Variants in SDCCAG8 observed in about 807,000 individuals in gnomAD.
SDCCAG8 encodes SHH signaling and ciliogenesis regulator SDCCAG8, also known as serologically defined colon cancer antigen 8.
SDCCAG8 carries 74 observed loss-of-function variants against 101.8 expected under a neutral mutation model. The ratio of observed to expected loss-of-function variants is 0.73; its 90% CI spans 0.60 to 0.88. The LOEUF (loss-of-function observed/expected upper bound fraction) is 0.88, where lower values mean the gene tolerates loss of function less well. Among genes scored for constraint, SDCCAG8 ranks in the 40% least tolerant of loss-of-function variants. SDCCAG8 has a pLI of 0.00. For synonymous variants in SDCCAG8, 281 were observed against 292.9 expected (o/e 0.96, Z 0.41); for missense variants, 787 against 822.6 (o/e 0.96, Z 0.53).
At chr1:243,275,858 T>G (rs76555344) in intron 4 of SDCCAG8, among the ~76,000 whole-genome samples, 3 of 56,468 alleles carry the variant, frequency 5.3e-5, no homozygotes, top group Non-Finnish European at 1.0e-4. Flanking sequence ...GAACCAATGT[T>G]TTTTTTTTTT....
chr1:243,429,242 T>C (rs2081548994), intron 16 of SDCCAG8, among the ~76,000 whole-genome samples: 1 of 152,236 alleles, frequency 6.6e-6, no homozygotes, highest in Non-Finnish European at 1.5e-5. Context: ...TGTAAAAGTA[T>C]TTTCTCTTAT....
At chr1:243,288,601 A>C (rs1397482665) in intron 5 of SDCCAG8, among the ~76,000 whole-genome samples, 1 of 152,008 alleles carries the variant, frequency 6.6e-6, no homozygotes, top group Non-Finnish European at 1.5e-5. Flanking sequence ...TTTTGGGGGG[A>C]AGGGGTTTTT....
chr1:243,499,258 T>G (rs1251276884), intron 17 of SDCCAG8, among the ~76,000 whole-genome samples: 1 of 152,224 alleles, frequency 6.6e-6, no homozygotes, highest in East Asian at 1.9e-4. Flanking sequence ...GTGAAAGTAC[T>G]TTTTCATAGG....
chr1:243,280,343 G>GTATA, intron 4 of SDCCAG8, among the ~76,000 whole-genome samples: 1 of 151,900 alleles, frequency 6.6e-6, no homozygotes, highest in African/African-American at 2.4e-5. Flanking sequence ...TTCTTAACCT[G>GTATA]TATATAGTCT....
At chr1:243,372,071 T>TAC (rs2077324424) in intron 12 of SDCCAG8, among the ~76,000 whole-genome samples, 1 of 152,156 alleles carries the variant, frequency 6.6e-6, no homozygotes, top group African/African-American at 2.4e-5. Context: ...GTTCATATTT[T>TAC]ACACACACCG....
intron 8 of SDCCAG8, among the ~76,000 whole-genome samples, chr1:243,310,593 A>C (rs2072627265): frequency 6.6e-6 from 1 of 152,204 alleles, no homozygotes; most frequent in South Asian, 2.1e-4. Context: ...TTATAGTCCT[A>C]AGGATGACGT....
intron 7 of SDCCAG8, chr1:243,304,979 C>T (rs1281051797): frequency 1.2e-5 from 7 of 569,342 alleles, no homozygotes; most frequent in Non-Finnish European, 1.6e-5. Flanking sequence ...CCCATTTCTT[C>T]ATCAGTTGTA....
Position 243,256,044 on chromosome 1 carries a change from C to A in SDCCAG8, c.-130C>A, listed in dbSNP as rs547776191. 6.9e-4 allele frequency: 589 copies of A among 855,582 alleles called. 1 individual carries two copies. Among genetic ancestry groups the A allele is most frequent in the Non-Finnish European group, 1.1e-3 (526 of 492,188 alleles). The allele number at this position is 855,582 out of a possible 1,614,324, so 53.0% of individuals were successfully genotyped here. A position where few individuals can be genotyped will look rare whatever the true frequency, so the allele number is the denominator to read the frequency against. On this transcript the variant is annotated 5_prime_UTR_variant, in exon 1 of 18. Coordinates refer to ENST00000366541, the MANE Select transcript of SDCCAG8 (RefSeq NM_006642.5). The stretch of plus-strand genomic sequence containing the variant: ...GCCCCCAAGAGCTCTGTGCGGGATT[C>A]TAGGCTCCCCTGTGACAGCCGCGGC...
chr1:243,372,079 C>T (rs748622722), intron 12 of SDCCAG8, among the ~76,000 whole-genome samples: 1 of 152,006 alleles, frequency 6.6e-6, no homozygotes, highest in Admixed American at 6.6e-5. Context: ...TTTACACACA[C>T]CGAACTTTAT....
At chr1:243,324,939 T>A (rs1473638328) in intron 9 of SDCCAG8, among the ~76,000 whole-genome samples, 1 of 152,252 alleles carries the variant, frequency 6.6e-6, no homozygotes, top group East Asian at 1.9e-4. Flanking sequence ...TGCCTTGTAA[T>A]AATCTATGAA....
At position 243,378,765 on chromosome 1, in the gene SDCCAG8, C is replaced by A; in HGVS notation, c.1518C>A (p.His506Gln). The stretch of plus-strand genomic sequence containing the variant: ...TAGAACTGGATGAAAGCAAACAACA[C>A]TTGGAACAGGAGCAGCAGAAGGCAG... ...LRIELDESKQ[H>Q]LEQEQQKAAL... Residue 506 changes from histidine (H) to glutamine (Q), a missense_variant, in exon 13 of 18, where the codon CAC becomes CAA. Physicochemically the swap from His to Gln is conservative, Grantham distance 24 (BLOSUM62 0). Transcript: ENST00000366541. 6.2e-7 allele frequency: 1 copy of A among 1,614,058 alleles called. No homozygotes were observed. Among genetic ancestry groups the A allele is most frequent in the Non-Finnish European group, 8.5e-7 (1 of 1,179,972 alleles).
In SDCCAG8 at chr1:243,485,806, C is replaced by T. The variant is rs538682474; in HGVS notation, c.1986-3208C>T. Among the ~76,000 whole-genome samples, 357 of 151,762 alleles carry T rather than the reference C, an allele frequency of 2.4e-3. 1 individual carries two copies. The highest frequency in any genetic ancestry group is 8.4e-3 in the African/African-American group (349 of 41,386). The stretch of plus-strand genomic sequence containing the variant: ...ATAATCCCAGCTACGGCAGGAGAAT[C>T]GCTTGAACCCAGGAGGCGGAGGTTG... On this transcript the variant is annotated intron_variant, in intron 16 of 17. Coordinates refer to ENST00000366541, the MANE Select transcript of SDCCAG8 (RefSeq NM_006642.5).
intron 6 of SDCCAG8, among the ~76,000 whole-genome samples, chr1:243,294,506 C>CGAGCGAGAGAGAGAGAGAGAGAGA (rs2070634268): frequency 7.6e-5 from 8 of 105,882 alleles, no homozygotes; most frequent in African/African-American, 3.2e-5. Context: ...AGAGAAAGAG[C>CGAGCGAGAGAGAGAGAGAGAGAGA]GAGAGAGAGA....
At chr1:243,302,795 C>T (rs2071660722) in intron 6 of SDCCAG8, among the ~76,000 whole-genome samples, 1 of 152,064 alleles carries the variant, frequency 6.6e-6, no homozygotes, top group South Asian at 2.1e-4. Flanking sequence ...ACCTTTAAGG[C>T]TTATTACATA....
intron 8 of SDCCAG8, among the ~76,000 whole-genome samples, chr1:243,315,571 A>G (rs1326200801): frequency 1.3e-5 from 2 of 152,214 alleles, no homozygotes; most frequent in Non-Finnish European, 2.9e-5. Context: ...AACTTTGTTC[A>G]GTATTACATG....
Position 243,353,490 on chromosome 1 carries a change from C to CAAAAAAAAAAAAAAAAAAAAAAAAAA in SDCCAG8, c.1473+9167_1473+9192dup, listed in dbSNP as rs542632635. On this transcript the variant is annotated intron_variant, in intron 12 of 17. Transcript: ENST00000366541. ...TGGGCAGCAGAGCAAGATTCCATCT[C>CAAAAAAAAAAAAAAAAAAAAAAAAAA]AAAAAAAAAAAAAAAAAAAAAAAAA... 2.5e-4 allele frequency among the ~76,000 whole-genome samples: 7 copies of CAAAAAAAAAAAAAAAAAAAAAAAAAA among 27,610 alleles called. 1 individual carries two copies. The highest frequency in any genetic ancestry group is 8.9e-4 in the Admixed American group (1 of 1,124). The allele number at this position is 27,610 out of a possible 152,430, so 18.1% of individuals were successfully genotyped here.
chr1:243,492,742 G>A (rs905962844), intron 17 of SDCCAG8, among the ~76,000 whole-genome samples: 2 of 150,950 alleles, frequency 1.3e-5, no homozygotes, highest in African/African-American at 4.9e-5. Flanking sequence ...CAAGTAGCTG[G>A]GATTACAGGT....
intron 12 of SDCCAG8, among the ~76,000 whole-genome samples, chr1:243,360,144 CTTT>C (rs397860448): frequency 8.9e-5 from 10 of 112,832 alleles, no homozygotes; most frequent in African/African-American, 3.0e-4. Context: ...GCAACAGTCT[CTTT>C]TTTTTTTTTT....
chr1:243,338,838 G>C (rs2075195677), intron 10 of SDCCAG8: 1 of 152,414 alleles, frequency 6.6e-6, no homozygotes, highest in African/African-American at 2.4e-5. Flanking sequence ...TGATGTCAAC[G>C]TCCTGGACAT....
Sources: gnomAD v4.1 joint callset for allele counts (sites outside exome capture counted in the v4.1 genomes callset) on GRCh38, gnomAD v4.1.1 for gene constraint, MANE v1.5 for transcripts, NCBI Gene and HGNC (gene_info 2026-07-23, HGNC 2026-07-21) for gene names.